The following PAQR5 variants were observed in gnomAD, a reference collection of about 807,000 sequenced individuals.
PAQR5 encodes the protein membrane progestin receptor gamma.
In PAQR5, 20 loss-of-function variants were observed where a neutral mutation model predicts 34.5. That is an observed-to-expected ratio of 0.58 (90% CI 0.41 to 0.84). The LOEUF (loss-of-function observed/expected upper bound fraction) is 0.84, where lower values mean the gene tolerates loss of function less well. Ranked by LOEUF, PAQR5 falls within the 40% of genes least tolerant of loss-of-function variation. The probability of loss-of-function intolerance (pLI) is 0.00; values close to 1 mark genes in which losing one functional copy is unlikely to be tolerated. For synonymous variants in PAQR5, 131 were observed against 155.6 expected (o/e 0.84, Z 1.18); for missense variants, 378 against 412.7 (o/e 0.92, Z 0.73).
intron 3 of PAQR5, among the ~76,000 whole-genome samples, chr15:69,369,230 A>C (rs995799416): frequency 6.6e-6 from 1 of 151,888 alleles, no homozygotes; most frequent in Non-Finnish European, 1.5e-5. Flanking sequence ...CTATGTGTGC[A>C]TGCCTGTGTT....
At chr15:69,338,275 T>C (rs115352741) in intron 2 of PAQR5, among the ~76,000 whole-genome samples, 2,011 of 152,242 alleles carry the variant, frequency 0.013, 42 homozygotes, top group African/African-American at 0.046. Flanking sequence ...AGTATACTGT[T>C]GTTAGCTGTT....
intron 1 of PAQR5, among the ~76,000 whole-genome samples, chr15:69,326,052 A>G (rs1014779914): frequency 2.6e-5 from 4 of 151,938 alleles, no homozygotes; most frequent in African/African-American, 9.7e-5. Flanking sequence ...ATTTTTTTTT[A>G]ACTGCAAATA....
intron 1 of PAQR5, among the ~76,000 whole-genome samples, chr15:69,327,526 A>T (rs2054283021): frequency 6.6e-6 from 1 of 152,116 alleles, no homozygotes; most frequent in African/African-American, 2.4e-5. Flanking sequence ...TAGAAGTCTC[A>T]GTCTCCCCAG....
intron 2 of PAQR5, among the ~76,000 whole-genome samples, chr15:69,349,848 GC>G (rs1245196878): frequency 2.0e-5 from 3 of 151,956 alleles, no homozygotes; most frequent in Non-Finnish European, 2.9e-5. Context: ...CACCATGTTG[GC>G]CAGGCTGGTC....
In PAQR5 at chr15:69,407,699, G is replaced by A. The variant is rs1188847001; in HGVS notation, c.*3877G>A. On this transcript the variant is annotated 3_prime_UTR_variant, in exon 9 of 9. Coordinates refer to ENST00000395407, the MANE Select transcript of PAQR5 (RefSeq NM_017705.4). ...GTTTTATCTACCACACTGCAAATAT[G>A]TTAATTCACCATGAGAAACAGATCC... 1.3e-5 allele frequency: 2 copies of A among 152,150 alleles called. No homozygotes were observed. The highest frequency in any genetic ancestry group is 2.1e-4 in the South Asian group (1 of 4,830). 9.4% of individuals were successfully genotyped at this position (152,150 alleles called of 1,614,324 possible).
chr15:69,318,515 C>A (rs2054005338), intron 1 of PAQR5, among the ~76,000 whole-genome samples: 1 of 152,048 alleles, frequency 6.6e-6, no homozygotes, highest in Admixed American at 6.6e-5. Flanking sequence ...ACACTCTGCC[C>A]AGCTCAGACC....
chr15:69,390,279 G>T (rs1235935840), intron 6 of PAQR5, among the ~76,000 whole-genome samples: 1 of 151,958 alleles, frequency 6.6e-6, no homozygotes. Context: ...GCCCTCCAAA[G>T]TATTGGGATT....
chr15:69,389,112 G>C (rs562491021), intron 5 of PAQR5, among the ~76,000 whole-genome samples: 1 of 152,172 alleles, frequency 6.6e-6, no homozygotes, highest in Non-Finnish European at 1.5e-5. Context: ...TGACATCCTC[G>C]TCTCAGCAAG....
At chr15:69,351,296 C>T (rs1361248457) in intron 2 of PAQR5, among the ~76,000 whole-genome samples, 2 of 152,264 alleles carry the variant, frequency 1.3e-5, no homozygotes, top group Admixed American at 6.5e-5. Context: ...CCCCATTCGG[C>T]TTATGTATTT....
At chr15:69,397,254 T>A (rs1201865051) in intron 6 of PAQR5, 6 of 686,402 alleles carry the variant, frequency 8.7e-6, no homozygotes, top group Admixed American at 8.1e-5. Flanking sequence ...GGAGATGGTG[T>A]CCCTGGAGAT....
intron 1 of PAQR5, among the ~76,000 whole-genome samples, chr15:69,330,679 C>A (rs543191775): frequency 6.6e-6 from 1 of 152,202 alleles, no homozygotes; most frequent in Non-Finnish European, 1.5e-5. Flanking sequence ...GTTACCCACC[C>A]CCCAACCACC....
At chr15:69,305,685 G>C (rs1212356857) in intron 1 of PAQR5, among the ~76,000 whole-genome samples, 2 of 152,026 alleles carry the variant, frequency 1.3e-5, no homozygotes, top group Non-Finnish European at 2.9e-5. Flanking sequence ...GACACAGGAA[G>C]TGAATCAGCC....
chr15:69,355,301 TTTC>T (rs2055030756), intron 2 of PAQR5, among the ~76,000 whole-genome samples: 2 of 44,234 alleles, frequency 4.5e-5, no homozygotes, highest in South Asian at 1.9e-3. Flanking sequence ...TCTTTCTTTC[TTTC>T]TTTCTTTCTT....
chr15:69,356,788 T>C (rs1259958393), intron 2 of PAQR5, among the ~76,000 whole-genome samples: 1 of 152,160 alleles, frequency 6.6e-6, no homozygotes, highest in Non-Finnish European at 1.5e-5. Flanking sequence ...TCTTCAAAGG[T>C]GTGTCCTGGT....
intron 3 of PAQR5, among the ~76,000 whole-genome samples, chr15:69,374,882 G>T (rs2055663465): frequency 6.6e-6 from 1 of 152,098 alleles, no homozygotes; most frequent in African/African-American, 2.4e-5. Flanking sequence ...GCAGGGAGGT[G>T]ACAGCACGAT....
chr15:69,333,730 G>C (rs2054445644), intron 1 of PAQR5, among the ~76,000 whole-genome samples: 1 of 152,110 alleles, frequency 6.6e-6, no homozygotes, highest in Admixed American at 6.6e-5. Flanking sequence ...CTGCTTATTT[G>C]CTGCTTATTT....
At chr15:69,363,538 TTTTTGTTTTTG>T (rs1249206265) in intron 3 of PAQR5, among the ~76,000 whole-genome samples, 16 of 21,808 alleles carry the variant, frequency 7.3e-4, no homozygotes, top group Admixed American at 1.8e-3. Context: ...GCTAATCTGT[TTTTTGTTTTTG>T]TTTTTTTTTT....
At chr15:69,330,987 A>G (rs761022222) in intron 1 of PAQR5, among the ~76,000 whole-genome samples, 1 of 152,170 alleles carries the variant, frequency 6.6e-6, no homozygotes, top group Non-Finnish European at 1.5e-5. Context: ...GTTCTCTTGG[A>G]CTAGGGGCTG....
At chr15:69,314,398 G>C (rs2053896922) in intron 1 of PAQR5, 1 of 152,222 alleles carries the variant, frequency 6.6e-6, no homozygotes, top group African/African-American at 2.4e-5. Flanking sequence ...ATTACTTCTG[G>C]GTGTAGCTTA....
Sources: allele counts gnomAD v4.1 joint callset (sites outside exome capture counted in the v4.1 genomes callset), GRCh38; gene constraint gnomAD v4.1.1; transcripts MANE v1.5; gene names NCBI Gene and HGNC (gene_info 2026-07-23, HGNC 2026-07-21).